The following PTPRO variants were observed in gnomAD, a reference collection of about 807,000 sequenced individuals.
PTPRO encodes the protein receptor-type tyrosine-protein phosphatase O.
PTPRO carries 62 observed loss-of-function variants against 145.2 expected under a neutral mutation model. The observed-to-expected ratio is 0.43, with a 90% CI of 0.35 to 0.53. The LOEUF (loss-of-function observed/expected upper bound fraction) is 0.53. Among genes scored for constraint, PTPRO ranks in the 20% least tolerant of loss-of-function variants. The pLI is 0.01. For synonymous variants in PTPRO, 565 were observed against 514.7 expected (o/e 1.10, Z -1.32); for missense variants, 1,345 against 1,482.7 (o/e 0.91, Z 1.53).
At chr12:15,384,595 A>G (rs1232655352) in intron 1 of PTPRO, among the ~76,000 whole-genome samples, 4 of 152,106 alleles carry the variant, frequency 2.6e-5, no homozygotes, top group Non-Finnish European at 4.4e-5. Context: ...GGAACCCTCC[A>G]CTTTATAACC....
rs1940010161 is a variant in PTPRO at position 15,417,355 on chromosome 12, C to T, written c.76-66619C>T. ...AAGACAAATAAAAGTGAATACCACA[C>T]ATACTACTTGTGAACTTTTAATAAC... On this transcript the variant is annotated intron_variant, in intron 1 of 26. Coordinates refer to ENST00000281171, the MANE Select transcript of PTPRO (RefSeq NM_030667.3). 4.6e-5 allele frequency among the ~76,000 whole-genome samples: 7 copies of T among 151,826 alleles called. No individual in the cohort carries two copies. The South Asian group carries it at 1.4e-3, about 31-fold the overall frequency.
chr12:15,363,658 AC>A (rs149457908), intron 1 of PTPRO, among the ~76,000 whole-genome samples: 35,189 of 151,560 alleles, frequency 0.23, 4,223 homozygotes, highest in Non-Finnish European at 0.27. Context: ...GTTTCATCTA[AC>A]TAAAAAAAAA....
At chr12:15,370,621 T>G (rs1424686525) in intron 1 of PTPRO, among the ~76,000 whole-genome samples, 1 of 152,226 alleles carries the variant, frequency 6.6e-6, no homozygotes, top group Non-Finnish European at 1.5e-5. Context: ...GGTGTCATAA[T>G]TTTTGTATTG....
chr12:15,401,671 A>G (rs1939497372), intron 1 of PTPRO, among the ~76,000 whole-genome samples: 1 of 152,238 alleles, frequency 6.6e-6, no homozygotes, highest in South Asian at 2.1e-4. Flanking sequence ...TTGTTTATTC[A>G]TATGAACTAC....
chr12:15,566,883 A>G (rs1943913193), intron 18 of PTPRO, among the ~76,000 whole-genome samples: 1 of 152,222 alleles, frequency 6.6e-6, no homozygotes, highest in African/African-American at 2.4e-5. Flanking sequence ...TAGGAGAGAT[A>G]AGACCAGACT....
chr12:15,467,350 C>A (rs557443605), intron 1 of PTPRO, among the ~76,000 whole-genome samples: 3 of 151,982 alleles, frequency 2.0e-5, no homozygotes, highest in African/African-American at 7.2e-5. Context: ...TATATGTCAC[C>A]CTCCTTCCTT....
intron 1 of PTPRO, among the ~76,000 whole-genome samples, chr12:15,438,723 G>A (rs1251429494): frequency 3.9e-5 from 6 of 152,008 alleles, no homozygotes; most frequent in Non-Finnish European, 8.8e-5. Context: ...AGGACTAAAT[G>A]TATGAATTAT....
intron 1 of PTPRO, among the ~76,000 whole-genome samples, chr12:15,383,625 G>T (rs1421818710): frequency 2.0e-5 from 3 of 152,152 alleles, no homozygotes; most frequent in Non-Finnish European, 4.4e-5. Flanking sequence ...CATGTTAGGG[G>T]CACAGAAGCT....
chr12:15,440,781 GAAGGCCATTACGTAATGATA>G (rs1225904177), intron 1 of PTPRO, among the ~76,000 whole-genome samples: 20 of 152,234 alleles, frequency 1.3e-4, no homozygotes, highest in East Asian at 1.9e-4. Flanking sequence ...AAAAGACAAA[GAAGGCCATTACGTAATGATA>G]AAGGGTTCAA....
chr12:15,553,496 G>C (rs1303322683), intron 15 of PTPRO, among the ~76,000 whole-genome samples: 1 of 152,114 alleles, frequency 6.6e-6, no homozygotes, highest in Non-Finnish European at 1.5e-5. Flanking sequence ...CTGGTGTAAA[G>C]GCCCTGGGGT....
chr12:15,438,854 G>C (rs1324219960), intron 1 of PTPRO, among the ~76,000 whole-genome samples: 2 of 152,110 alleles, frequency 1.3e-5, no homozygotes, highest in African/African-American at 4.8e-5. Flanking sequence ...GACATTCAGA[G>C]AATACCTGTG....
At chr12:15,517,803 C>T (rs1942630375) in intron 9 of PTPRO, among the ~76,000 whole-genome samples, 1 of 152,226 alleles carries the variant, frequency 6.6e-6, no homozygotes, top group South Asian at 2.1e-4. Flanking sequence ...TTCCCATGGT[C>T]TTAGGCAGTT....
chr12:15,437,814 G>A lies in PTPRO; in HGVS notation c.76-46160G>A, dbSNP rs537459766. ...TCTGGGTGCCTGGTAGCCACCCACT[G>A]GATTCTCACTTGATACTGGTGCTTG... On this transcript the variant is annotated intron_variant, in intron 1 of 26. Coordinates refer to ENST00000281171, the MANE Select transcript of PTPRO (RefSeq NM_030667.3). Among the ~76,000 whole-genome samples, 3 of 152,252 alleles carry A rather than the reference G, an allele frequency of 2.0e-5. No individual in the cohort carries two copies. The East Asian group carries it at 5.8e-4, about 29-fold the overall frequency.
At chr12:15,496,847 T>C (rs1942117888) in intron 2 of PTPRO, among the ~76,000 whole-genome samples, 1 of 152,166 alleles carries the variant, frequency 6.6e-6, no homozygotes, top group Admixed American at 6.5e-5. Context: ...CAAATTTCCT[T>C]TGCATGAGAA....
chr12:15,402,629 G>A (rs1463873385), intron 1 of PTPRO, among the ~76,000 whole-genome samples: 1 of 152,016 alleles, frequency 6.6e-6, no homozygotes, highest in Non-Finnish European at 1.5e-5. Context: ...GTTTCTATTT[G>A]ATAACAATAT....
At chr12:15,432,624 T>C (rs1344973104) in intron 1 of PTPRO, among the ~76,000 whole-genome samples, 1 of 152,218 alleles carries the variant, frequency 6.6e-6, no homozygotes, top group African/African-American at 2.4e-5. Context: ...CCACCATCAA[T>C]GTATAAGTAT....
Position 15,499,561 on chromosome 12 carries a change from G to C in PTPRO, c.628G>C (p.Gly210Arg). Residue 210 changes from glycine to arginine, a missense_variant, in exon 4 of 27, where the codon GGT becomes CGT. This residue lies in a region of PTPRO where 1,130 missense variants were observed against 1,214.7 expected (regional missense o/e 0.93). Transcript: ENST00000281171. Reference protein sequence around the residue: ...FNKSTLVEYSGVSHEPKQHRT... With the variant: ...FNKSTLVEYSRVSHEPKQHRT... Reference sequence around the variant, plus strand: ...TAAAAGTACCCTTGTTGAGTACAGTGGTGTCAGTCACGAACCCAAACAGCA... The same window carrying C: ...TAAAAGTACCCTTGTTGAGTACAGTCGTGTCAGTCACGAACCCAAACAGCA... The C allele has an allele frequency of 6.2e-7, 1 of 1,613,794 alleles. No individual in the cohort carries two copies. Among genetic ancestry groups the C allele is most frequent in the Non-Finnish European group, 8.5e-7 (1 of 1,179,794 alleles).
intron 1 of PTPRO, among the ~76,000 whole-genome samples, chr12:15,416,643 C>T (rs1939986029): frequency 6.6e-6 from 1 of 151,376 alleles, no homozygotes; most frequent in Non-Finnish European, 1.5e-5. Flanking sequence ...AATTCAGTTT[C>T]CCAGGGTCTT....
intron 1 of PTPRO, among the ~76,000 whole-genome samples, chr12:15,419,913 T>A (rs11056469): frequency 6.6e-6 from 1 of 151,386 alleles, no homozygotes; most frequent in Admixed American, 6.6e-5. Flanking sequence ...TTTGGGAGGC[T>A]GAGGTGGGTG....
Sources: allele counts gnomAD v4.1 joint callset (sites outside exome capture counted in the v4.1 genomes callset), GRCh38; gene constraint gnomAD v4.1.1; regional missense constraint gnomAD v4.1.1; transcripts MANE v1.5; gene names NCBI Gene and HGNC (gene_info 2026-07-23, HGNC 2026-07-21).